The following CCSER2 variants were observed in gnomAD, a reference collection of about 807,000 sequenced individuals.
CCSER2 encodes the protein serine-rich coiled-coil domain-containing protein 2.
Under a neutral mutation model 92.3 loss-of-function variants are expected in CCSER2, and 46 were observed. The ratio of observed to expected loss-of-function variants is 0.50; its 90% CI spans 0.39 to 0.64. CCSER2 has a LOEUF of 0.64. Among genes scored for constraint, CCSER2 ranks in the 30% least tolerant of loss-of-function variants. The pLI, the probability that CCSER2 is intolerant of heterozygous loss-of-function variation, is 0.00. For missense variants in CCSER2, 1,244 were observed against 1,238.9 expected, an observed-to-expected ratio of 1.00 and a Z score of -0.06; for synonymous variants, 433 against 431.4, an observed-to-expected ratio of 1.00 and a Z score of -0.04.
At chr10:84,494,187 C>G (rs980559867) in intron 9 of CCSER2, among the ~76,000 whole-genome samples, 1 of 152,178 alleles carries the variant, frequency 6.6e-6, no homozygotes, top group East Asian at 1.9e-4. Flanking sequence ...GGTACTGGTC[C>G]GTGGCCCAGG....
rs770121995 is a variant in CCSER2, at chr10:84,498,204, G to A, written c.2326-15245G>A. On this transcript the variant is annotated intron_variant, in intron 9 of 9. Coordinates refer to ENST00000372088, the MANE Select transcript of CCSER2 (RefSeq NM_001284240.2). ...GGGTAGAAGCTTGGTTCTGCAAAAC[G>A]CATAGGGAGGATTTGGTTGAGAATT... 5.3e-5 allele frequency among the ~76,000 whole-genome samples: 8 copies of A among 152,292 alleles called. 1 individual carries two copies. The East Asian group carries it at 1.5e-3, about 29-fold the overall frequency.
intron 5 of CCSER2, among the ~76,000 whole-genome samples, chr10:84,437,804 C>T (rs1844273144): frequency 6.6e-6 from 1 of 150,674 alleles, no homozygotes. Flanking sequence ...CCTCCGCCTC[C>T]CAGGTTCAGG....
intron 3 of CCSER2, among the ~76,000 whole-genome samples, chr10:84,393,190 T>G (rs1458714221): frequency 6.6e-6 from 1 of 152,182 alleles, no homozygotes; most frequent in East Asian, 1.9e-4. Context: ...CTGTTAGGAA[T>G]AAGATTGATA....
chr10:84,502,249 C>T (rs1039957724), intron 9 of CCSER2, among the ~76,000 whole-genome samples: 1 of 151,718 alleles, frequency 6.6e-6, no homozygotes, highest in Non-Finnish European at 1.5e-5. Flanking sequence ...TACTTGTCTC[C>T]ACATTTAATC....
chr10:84,380,023 G>C (rs530736286), intron 3 of CCSER2, among the ~76,000 whole-genome samples: 5 of 152,142 alleles, frequency 3.3e-5, no homozygotes, highest in African/African-American at 1.2e-4. Flanking sequence ...AGCGTTCCTA[G>C]GATATAAAAC....
chr10:84,363,289 T>C (rs954004139), intron 1 of CCSER2, among the ~76,000 whole-genome samples: 18 of 152,116 alleles, frequency 1.2e-4, no homozygotes, highest in African/African-American at 4.3e-4. Context: ...CCACCACGCC[T>C]GGCCACTTAT....
intron 9 of CCSER2, among the ~76,000 whole-genome samples, chr10:84,512,367 A>AGTGT (rs141667701): frequency 0.012 from 1,680 of 139,604 alleles, 30 homozygotes; most frequent in African/African-American, 0.038. Flanking sequence ...TTATTTAAAC[A>AGTGT]GTGTGTGTGT....
intron 3 of CCSER2, among the ~76,000 whole-genome samples, chr10:84,398,516 T>C (rs1236241208): frequency 3.3e-5 from 5 of 152,184 alleles, no homozygotes; most frequent in Non-Finnish European, 1.5e-5. Context: ...CACGCCAAAA[T>C]GAAACAATAT....
At chr10:84,477,837 C>T (rs1291742341) in intron 9 of CCSER2, among the ~76,000 whole-genome samples, 173 bp downstream of exon 9, 1 of 152,064 alleles carries the variant, frequency 6.6e-6, no homozygotes, top group African/African-American at 2.4e-5. Flanking sequence ...CCTAAAGCTT[C>T]TCTTGTGTGT....
intron 9 of CCSER2, among the ~76,000 whole-genome samples, chr10:84,493,575 G>T (rs1455615312): frequency 6.6e-6 from 1 of 152,188 alleles, no homozygotes; most frequent in Admixed American, 6.5e-5. Flanking sequence ...TCAATCATAT[G>T]CTAAGCAAGG....
chr10:84,462,295 A>G (rs939792408), intron 6 of CCSER2, among the ~76,000 whole-genome samples: 2 of 152,018 alleles, frequency 1.3e-5, no homozygotes, highest in African/African-American at 2.4e-5. Flanking sequence ...TATTTTTTCT[A>G]TTCTGCTGTA....
chr10:84,345,955 T>C (rs1284497343), intron 1 of CCSER2, among the ~76,000 whole-genome samples: 2 of 152,212 alleles, frequency 1.3e-5, no homozygotes, highest in Non-Finnish European at 2.9e-5. Flanking sequence ...CATACTGCTG[T>C]ATCCAAGGGC....
chr10:84,388,934 G>C (rs1299361743), intron 3 of CCSER2, among the ~76,000 whole-genome samples: 1 of 152,058 alleles, frequency 6.6e-6, no homozygotes, highest in Non-Finnish European at 1.5e-5. Context: ...GACTGGTACT[G>C]GTCCATGGCC....
At chr10:84,338,961 G>T (rs1468365327) in intron 1 of CCSER2, among the ~76,000 whole-genome samples, 1 of 151,880 alleles carries the variant, frequency 6.6e-6, no homozygotes, top group Non-Finnish European at 1.5e-5. Context: ...CCTCTTCATT[G>T]GTCTTTCTCC....
At chr10:84,460,845 G>A (rs1347086158) in intron 6 of CCSER2, among the ~76,000 whole-genome samples, 1 of 152,042 alleles carries the variant, frequency 6.6e-6, no homozygotes, top group Admixed American at 6.6e-5. Flanking sequence ...TCCTGATAAT[G>A]TTTTGATTTG....
chr10:84,407,912 T>C (rs1056406654), intron 3 of CCSER2, among the ~76,000 whole-genome samples: 1 of 152,156 alleles, frequency 6.6e-6, no homozygotes, highest in Non-Finnish European at 1.5e-5. Flanking sequence ...AAAATGAGAC[T>C]TTCTGGGGAG....
intron 5 of CCSER2, among the ~76,000 whole-genome samples, chr10:84,437,130 TACACAC>T (rs141781493): frequency 6.8e-6 from 1 of 147,494 alleles, no homozygotes; most frequent in African/African-American, 2.5e-5. Flanking sequence ...GCCAACCAAA[TACACAC>T]ACACACACAC....
intron 1 of CCSER2, among the ~76,000 whole-genome samples, chr10:84,368,438 A>G (rs1208306443): frequency 6.6e-6 from 1 of 152,100 alleles, no homozygotes; most frequent in Non-Finnish European, 1.5e-5. Flanking sequence ...TGTTGGTAAC[A>G]GGACGTTCTT....
At chr10:84,359,342 A>G (rs899812358) in intron 1 of CCSER2, among the ~76,000 whole-genome samples, 2 of 152,018 alleles carry the variant, frequency 1.3e-5, no homozygotes, top group Non-Finnish European at 2.9e-5. Context: ...TGTTTAGTTG[A>G]TTTATGTGAG....
Sources: allele counts gnomAD v4.1 joint callset (sites outside exome capture counted in the v4.1 genomes callset), GRCh38; gene constraint gnomAD v4.1.1; transcripts MANE v1.5; gene names NCBI Gene and HGNC (gene_info 2026-07-23, HGNC 2026-07-21).